The following SS18L1 variants were observed in gnomAD, a reference collection of about 807,000 sequenced individuals.
The protein encoded by SS18L1 is SS18L1 subunit of BAF chromatin remodeling complex.
Under a neutral mutation model 70.3 loss-of-function variants are expected in SS18L1, and 32 were observed. The ratio of observed to expected loss-of-function variants is 0.46; its 90% CI spans 0.34 to 0.61. SS18L1 has a LOEUF of 0.61. SS18L1 is among the 20% of genes least tolerant of loss of function. The pLI is 0.01. For missense variants in SS18L1, 430 were observed against 542.1 expected (o/e 0.79, Z 2.05); for synonymous variants, 237 against 229.7 (o/e 1.03, Z -0.29).
rs149717136 is a variant in SS18L1, at chr20:62,161,274, C to T, written c.232-162C>T. ...ATCTCCATCTGGGCCTGGTGCTCTG[C>T]GGTCACCTGGCTGTGACGATGGCTG... On this transcript the variant is annotated intron_variant, in intron 3 of 10. Coordinates refer to ENST00000331758, the MANE Select transcript of SS18L1 (RefSeq NM_198935.3). This position sits in a 1 kb window ranked among gnomAD's most constrained non-coding sequence, Gnocchi z 4.4. The T allele has an allele frequency of 1.2e-4, 109 of 943,146 alleles. No individual in the cohort carries two copies. The African/African-American group carries it at 1.6e-3, about 14-fold the overall frequency. 58.4% of individuals were successfully genotyped at this position (943,146 alleles called of 1,614,324 possible).
intron 10 of SS18L1, 123 bp from the exon 11 acceptor site, chr20:62,179,059 G>T: frequency 2.9e-6 from 3 of 1,052,194 alleles, no homozygotes; most frequent in Non-Finnish European, 4.4e-6. Context: ...GCCCCGCAGA[G>T]ATGTGAGCAG....
chr20:62,144,685 G>C (rs907073686), intron 1 of SS18L1, among the ~76,000 whole-genome samples: 7 of 152,246 alleles, frequency 4.6e-5, no homozygotes, highest in Non-Finnish European at 8.8e-5. Flanking sequence ...GTTTATGTGG[G>C]TTTGGGACAC....
Position 62,174,441 on chromosome 20 carries a change from A to T in SS18L1, c.1037-76A>T. 6.5e-7 allele frequency: 1 copy of T among 1,541,618 alleles called. No homozygotes were observed. ...TCAAGGAGAAGAGGAAGTTTTAAAA[A>T]AAATTTTTAAGTTAAGAAAAAAAAA... is the stretch of plus-strand genomic sequence containing the variant. On this transcript the variant is annotated intron_variant, in intron 9 of 10. Coordinates refer to ENST00000331758, the MANE Select transcript of SS18L1 (RefSeq NM_198935.3). The surrounding 1 kb of genome is among the most constrained non-coding windows in gnomAD (Gnocchi z 4.1).
rs2057332300 is a variant in SS18L1, at chr20:62,161,634, C to A, written c.376+54C>A. 16 of 1,566,780 alleles carry A rather than the reference C, an allele frequency of 1.0e-5. No individual in the cohort carries two copies. ...CTGGCTACGAGGCCACCAAGGCAGC[C>A]CTTGGGCAGCCGGCTGCCATGGTGG... On this transcript the variant is annotated intron_variant, in intron 4 of 10. Transcript: ENST00000331758. The surrounding 1 kb of genome is among the most constrained non-coding windows in gnomAD (Gnocchi z 4.4).
chr20:62,179,675 C>T lies in SS18L1; in HGVS notation c.*467C>T, dbSNP rs1249665422. 5.1e-6 allele frequency: 1 copy of T among 197,980 alleles called. No individual in the cohort carries two copies. Among genetic ancestry groups the T allele is most frequent in the African/African-American group, 2.4e-5 (1 of 41,404 alleles). 12.3% of individuals were successfully genotyped at this position (197,980 alleles called of 1,614,324 possible). A position where few individuals can be genotyped will look rare whatever the true frequency, so the allele number is the denominator to read the frequency against. On this transcript the variant is annotated 3_prime_UTR_variant, in exon 11 of 11. Coordinates refer to ENST00000331758, the MANE Select transcript of SS18L1 (RefSeq NM_198935.3). ...ACTGGCTACGCCACAGCTGGACACA[C>T]ATGCAGCCCCTGGAGGGCAGCCTCT...
At chr20:62,144,348 C>G (rs181251419) in intron 1 of SS18L1, among the ~76,000 whole-genome samples, 3 of 152,222 alleles carry the variant, frequency 2.0e-5, no homozygotes, top group Admixed American at 2.0e-4. Flanking sequence ...GTTTTCTGCG[C>G]TCATTTTGGT....
In SS18L1 at chr20:62,174,427, AG is replaced by A; in HGVS notation, c.1037-88del. 1 of 1,522,336 alleles carries A rather than the reference AG, an allele frequency of 6.6e-7. No individual in the cohort carries two copies. Among genetic ancestry groups the A allele is most frequent in the East Asian group, 2.3e-5 (1 of 42,870 alleles). 94.3% of individuals were successfully genotyped at this position (1,522,336 alleles called of 1,614,324 possible). A position where few individuals can be genotyped will look rare whatever the true frequency, so the allele number is the denominator to read the frequency against. ...GAGACGGGAATTTTTCAAGGAGAAG[AG>A]GAAGTTTTAAAAAAAATTTTTAAGT... On this transcript the variant is annotated intron_variant, in intron 9 of 10. Transcript: ENST00000331758. This position sits in a 1 kb window ranked among gnomAD's most constrained non-coding sequence, Gnocchi z 4.1.
intron 1 of SS18L1, chr20:62,154,563 C>T: frequency 9.9e-7 from 1 of 1,011,008 alleles, no homozygotes; most frequent in Non-Finnish European, 1.2e-6. Context: ...GGGGGTGTCC[C>T]TTGGTATGGG....
Position 62,174,416 on chromosome 20 carries a change from T to C in SS18L1, c.1037-101T>C, listed in dbSNP as rs1420047214. On this transcript the variant is annotated intron_variant, in intron 9 of 10. Transcript: ENST00000331758. The surrounding 1 kb of genome is among the most constrained non-coding windows in gnomAD (Gnocchi z 4.1). Reference sequence around the variant, plus strand: ...GCTGATGCATTGAGACGGGAATTTTTCAAGGAGAAGAGGAAGTTTTAAAAA... The same window carrying C: ...GCTGATGCATTGAGACGGGAATTTTCCAAGGAGAAGAGGAAGTTTTAAAAA... 6.7e-7 allele frequency: 1 copy of C among 1,499,180 alleles called. No homozygotes were observed. Among genetic ancestry groups the C allele is most frequent in the Non-Finnish European group, 8.9e-7 (1 of 1,127,658 alleles). The allele number at this position is 1,499,180 out of a possible 1,614,324, so 92.9% of individuals were successfully genotyped here.
At chr20:62,147,890 G>A (rs1179721809) in intron 1 of SS18L1, among the ~76,000 whole-genome samples, 1 of 152,180 alleles carries the variant, frequency 6.6e-6, no homozygotes, top group East Asian at 1.9e-4. Flanking sequence ...GGGTGGGGAT[G>A]GGCTGCGGAG....
At chr20:62,167,034 G>GTTTTTTTTTTTTTTTTT (rs1235961398) in intron 8 of SS18L1, among the ~76,000 whole-genome samples, 1 of 123,496 alleles carries the variant, frequency 8.1e-6, no homozygotes, top group East Asian at 2.6e-4. Flanking sequence ...GAGCTCAGGA[G>GTTTTTTTTTTTTTTTTT]TTTGTTTGTT....
chr20:62,164,250 A>G lies in SS18L1; in HGVS notation c.823+4A>G. 6.5e-7 allele frequency: 1 copy of G among 1,546,100 alleles called. No individual in the cohort carries two copies. On this transcript the variant is annotated splice_donor_region_variant and intron_variant, in intron 7 of 10. Transcript: ENST00000331758. ...GGCCAGCAGTACTACCCCGACGGTGAGCACTGGCGGCGGCCTGACCCCGCC... is the reference window on the plus strand; with the variant it reads ...GGCCAGCAGTACTACCCCGACGGTGGGCACTGGCGGCGGCCTGACCCCGCC...
intron 10 of SS18L1, chr20:62,175,408 G>A (rs763017328): frequency 1.0e-6 from 1 of 985,292 alleles, no homozygotes; most frequent in Non-Finnish European, 1.2e-6. Flanking sequence ...TGGGAGCACT[G>A]CAGGAGCGAG....
chr20:62,146,361 G>A (rs1406087514), intron 1 of SS18L1, among the ~76,000 whole-genome samples: 1 of 152,194 alleles, frequency 6.6e-6, no homozygotes, highest in African/African-American at 2.4e-5. Flanking sequence ...CATCTGTGAC[G>A]CTGGTCCCAT....
rs1475745381 is a variant in SS18L1, at chr20:62,171,990, A to G, written c.917-692A>G. On this transcript the variant is annotated intron_variant, in intron 8 of 10. Coordinates refer to ENST00000331758, the MANE Select transcript of SS18L1 (RefSeq NM_198935.3). ...ATCCTGGCTAACATGGTGAAACTTC[A>G]TCTCTACTAAAAATACAAAAAATTA... 4.6e-5 allele frequency among the ~76,000 whole-genome samples: 7 copies of G among 152,230 alleles called. 1 individual carries two copies. The South Asian group carries it at 1.5e-3, about 32-fold the overall frequency.
intron 8 of SS18L1, among the ~76,000 whole-genome samples, chr20:62,170,088 T>C (rs1490218930): frequency 6.6e-6 from 1 of 152,248 alleles, no homozygotes; most frequent in Non-Finnish European, 1.5e-5. Flanking sequence ...TGGCTCATTG[T>C]GTCCACATCT....
rs1469769267 is a variant in SS18L1 at position 62,161,756 on chromosome 20, G to A, written c.376+176G>A. ...GCCCAGGCTCAGGGCCGCAGCGAGC[G>A]TGCCGTGCGGCTGGGCTGAGCCCCT... On this transcript the variant is annotated intron_variant, in intron 4 of 10. Coordinates refer to ENST00000331758, the MANE Select transcript of SS18L1 (RefSeq NM_198935.3). This position sits in a 1 kb window ranked among gnomAD's most constrained non-coding sequence, Gnocchi z 4.4. Among the ~76,000 whole-genome samples, 2 of 152,244 alleles carry A rather than the reference G, an allele frequency of 1.3e-5. No homozygotes were observed. Among genetic ancestry groups the A allele is most frequent in the African/African-American group, 4.8e-5 (2 of 41,468 alleles).
At chr20:62,156,287 A>G (rs377589506) in intron 1 of SS18L1, among the ~76,000 whole-genome samples, 2 of 152,196 alleles carry the variant, frequency 1.3e-5, no homozygotes, top group African/African-American at 4.8e-5. Flanking sequence ...AAGAAAGCCC[A>G]TAGTTGTCCC....
intron 10 of SS18L1, among the ~76,000 whole-genome samples, chr20:62,176,926 C>T (rs1344942659): frequency 6.6e-6 from 1 of 152,210 alleles, no homozygotes; most frequent in African/African-American, 2.4e-5. Flanking sequence ...CTGGCCGTGG[C>T]GCTTTGGCAC....
Sources: allele counts gnomAD v4.1 joint callset (sites outside exome capture counted in the v4.1 genomes callset), GRCh38; gene constraint gnomAD v4.1.1; non-coding constraint Gnocchi (gnomAD v3.1); transcripts MANE v1.5; gene names NCBI Gene and HGNC (gene_info 2026-07-23, HGNC 2026-07-21).